The following HPS1 variants were observed in gnomAD, a reference collection of about 807,000 sequenced individuals.
HPS1 encodes the protein HPS1 biogenesis of lysosomal organelles complex 3 subunit 1.
A neutral mutation model predicts 90.6 loss-of-function variants in HPS1; 59 were observed. That is an observed-to-expected ratio of 0.65 (90% CI 0.53 to 0.81). The LOEUF (loss-of-function observed/expected upper bound fraction) is 0.81. HPS1 is among the 30% of genes least tolerant of loss of function. The pLI is 0.00. For synonymous variants in HPS1, 388 were observed against 384.4 expected, an observed-to-expected ratio of 1.01 and a Z score of -0.11; for missense variants, 849 against 896.7, an observed-to-expected ratio of 0.95 and a Z score of 0.68.
chr10:98,431,344 C>T (rs1209270833), intron 6 of HPS1, 53 bp from the exon 7 acceptor site: 1 of 1,584,454 alleles, frequency 6.3e-7, no homozygotes, highest in East Asian at 2.3e-5. Context: ...CCTTGCCCCA[C>T]TCCAAGCCCT....
At chr10:98,434,850 A>G (rs1230325573) in intron 5 of HPS1, among the ~76,000 whole-genome samples, 1 of 151,852 alleles carries the variant, frequency 6.6e-6, no homozygotes, top group Non-Finnish European at 1.5e-5. Context: ...TCCTGAGAAA[A>G]CCTTCACGAG....
At chr10:98,415,293 C>A, downstream of HPS1, 1 of 1,011,436 alleles carries the variant, frequency 9.9e-7, no homozygotes, top group Non-Finnish European at 1.4e-6. Context: ...CACAGGCCAG[C>A]CTCCTGCTGC....
intron 7 of HPS1, 61 bp from the exon 8 acceptor site, chr10:98,430,731 G>T: frequency 7.2e-7 from 1 of 1,388,744 alleles, no homozygotes; most frequent in Non-Finnish European, 9.9e-7. Flanking sequence ...GGGGCAGGCA[G>T]GTTAAAGGAG....
intron 1 of HPS1, among the ~76,000 whole-genome samples, chr10:98,446,029 C>T (rs1191859784): frequency 6.6e-6 from 1 of 152,180 alleles, no homozygotes; most frequent in Admixed American, 6.5e-5. Context: ...ATTCCTATTT[C>T]CCAGCTTCCC....
rs1239455408 is a variant in HPS1, at chr10:98,435,111, C to A, written c.398+161G>T. 2.6e-6 allele frequency: 2 copies of A among 767,532 alleles called. No homozygotes were observed. The highest frequency in any genetic ancestry group is 1.6e-5 in the South Asian group (1 of 62,014). 47.5% of individuals were successfully genotyped at this position (767,532 alleles called of 1,614,324 possible). A position where few individuals can be genotyped will look rare whatever the true frequency, so the allele number is the denominator to read the frequency against. On this transcript the variant is annotated intron_variant, in intron 5 of 19. Coordinates refer to ENST00000361490, the MANE Select transcript of HPS1 (RefSeq NM_000195.5). The surrounding 1 kb of genome is among the most constrained non-coding windows in gnomAD (Gnocchi z 4.3). Reference sequence around the variant, plus strand: ...CCAGATATAAAGTCAGAGGGTCAGACCAGATGGTCTCCAAGGTTCACTTGA... The same window carrying A: ...CCAGATATAAAGTCAGAGGGTCAGAACAGATGGTCTCCAAGGTTCACTTGA...
intron 13 of HPS1, 51 bp from the exon 14 acceptor site, chr10:98,424,425 G>A (rs763148452): frequency 1.3e-6 from 2 of 1,508,446 alleles, no homozygotes; most frequent in African/African-American, 2.7e-5. Context: ...TTTCCAGTGA[G>A]GTCCAGGCCA....
chr10:98,435,097 G>A lies in HPS1; in HGVS notation c.398+175C>T. On this transcript the variant is annotated intron_variant, in intron 5 of 19. Transcript: ENST00000361490. This position sits in a 1 kb window ranked among gnomAD's most constrained non-coding sequence, Gnocchi z 4.3. ...TCTGCTCTGTTTCACCAGATATAAA[G>A]TCAGAGGGTCAGACCAGATGGTCTC... 4.3e-6 allele frequency: 3 copies of A among 691,520 alleles called. No individual in the cohort carries two copies. Among genetic ancestry groups the A allele is most frequent in the Middle Eastern group, 4.0e-4 (1 of 2,478 alleles). 42.8% of individuals were successfully genotyped at this position (691,520 alleles called of 1,614,324 possible).
intron 13 of HPS1, among the ~76,000 whole-genome samples, 200 bp downstream of exon 13, chr10:98,425,341 A>T (rs1043679790): frequency 1.3e-5 from 2 of 152,246 alleles, no homozygotes; most frequent in Non-Finnish European, 2.9e-5. Flanking sequence ...AAACACACAT[A>T]AAAAGATTCT....
At position 98,435,692 on chromosome 10, in the gene HPS1, C is replaced by G. The variant is rs115265574; in HGVS notation, c.198G>C (p.Ser66=). 1 of 1,613,826 alleles carries G rather than the reference C, an allele frequency of 6.2e-7. No homozygotes were observed. The highest frequency in any genetic ancestry group is 8.5e-7 in the Non-Finnish European group (1 of 1,179,916). ...CCGTGGAGAAGCAGGTGTAGGTGTC[C>G]GAGAGCTTCTCCAGCATCGTCATGG... ...ISSMTMLEKL[S]DTYTCFSTEN... The change falls in exon 4 of 20, where the codon TCG becomes TCC. Residue 66 remains serine, a synonymous_variant. Coordinates refer to ENST00000361490, the MANE Select transcript of HPS1 (RefSeq NM_000195.5). The surrounding 1 kb of genome is among the most constrained non-coding windows in gnomAD (Gnocchi z 4.3).
intron 10 of HPS1, among the ~76,000 whole-genome samples, chr10:98,427,678 C>G (rs1470204454): frequency 6.6e-6 from 1 of 152,114 alleles, no homozygotes; most frequent in Non-Finnish European, 1.5e-5. Flanking sequence ...CCACGTTTGC[C>G]CATTCATTTA....
At position 98,425,638 on chromosome 10, in the gene HPS1, G is replaced by A. The variant is rs763592883; in HGVS notation, c.1238C>T (p.Pro413Leu). 61 of 1,613,602 alleles carry A rather than the reference G, an allele frequency of 3.8e-5. No individual in the cohort carries two copies. Among genetic ancestry groups the A allele is most frequent in the Non-Finnish European group, 4.2e-5 (49 of 1,179,940 alleles). Residue 413 changes from proline (P) to leucine (L), a missense_variant, in exon 13 of 20, where the codon CCG becomes CTG. Transcript: ENST00000361490. The part of the protein sequence containing the change: ...SMLEKKLKEG[P>L]EPGASLRSQP... ...GGAGCGCAGGGAGGCCCCGGGCTCC[G>A]GCCCTTCCTTCAGCTTCTTCTCCAG...
At position 98,435,819 on chromosome 10, in the gene HPS1, C is replaced by A. The variant is rs1260464285; in HGVS notation, c.118-47G>T. 6 of 1,613,150 alleles carry A rather than the reference C, an allele frequency of 3.7e-6. No individual in the cohort carries two copies. Among genetic ancestry groups the A allele is most frequent in the Non-Finnish European group, 5.1e-6 (6 of 1,179,444 alleles). On this transcript the variant is annotated intron_variant, in intron 3 of 19. Transcript: ENST00000361490. This position sits in a 1 kb window ranked among gnomAD's most constrained non-coding sequence, Gnocchi z 4.3. The stretch of plus-strand genomic sequence containing the variant: ...TCACAGCTTAGAGTGGGCCAGACAC[C>A]AAGAACTAAGGAAGGGACAAGATCA...
intron 18 of HPS1, among the ~76,000 whole-genome samples, chr10:98,418,673 C>A (rs1445576503): frequency 6.6e-6 from 1 of 152,226 alleles, no homozygotes; most frequent in African/African-American, 2.4e-5. Flanking sequence ...GCCGTGTGTG[C>A]CAGGCATGAA....
chr10:98,424,007 G>T, intron 14 of HPS1, 120 bp from the exon 15 acceptor site: 1 of 1,363,290 alleles, frequency 7.3e-7, no homozygotes, highest in Non-Finnish European at 1.0e-6. Context: ...TCCCCCTTGT[G>T]GACCACCCCA....
chr10:98,423,963 C>G, intron 14 of HPS1, 76 bp from the exon 15 acceptor site: 1 of 1,577,488 alleles, frequency 6.3e-7, no homozygotes, highest in Non-Finnish European at 8.6e-7. Context: ...CCACCTTGTT[C>G]CTGCACCCAG....
intron 2 of HPS1, among the ~76,000 whole-genome samples, chr10:98,444,284 C>A (rs1293557426): frequency 6.6e-6 from 1 of 151,762 alleles, no homozygotes; most frequent in Non-Finnish European, 1.5e-5. Flanking sequence ...ACACACACCA[C>A]ACACTCTGTG....
Position 98,430,651 on chromosome 10 carries a change from G to C in HPS1, c.688C>G (p.Arg230Gly), listed in dbSNP as rs750207387. ...ATGAGGGCAAGCAGGTCGGCCGGGCGCAGGGAGCTGGCACTGTGGCTGCAG... is the reference window on the plus strand; with the variant it reads ...ATGAGGGCAAGCAGGTCGGCCGGGCCCAGGGAGCTGGCACTGTGGCTGCAG... Reference protein sequence around the residue: ...FYSSHSASSLRPADLLALILL... With the variant: ...FYSSHSASSLGPADLLALILL... The change falls in exon 8 of 20, where the codon CGC becomes GGC. Residue 230 changes from arginine to glycine, a missense_variant. Arg to Gly is a moderately radical substitution (Grantham distance 125). Coordinates refer to ENST00000361490, the MANE Select transcript of HPS1 (RefSeq NM_000195.5). 4.5e-6 allele frequency: 7 copies of C among 1,553,648 alleles called. No homozygotes were observed. Among genetic ancestry groups the C allele is most frequent in the Non-Finnish European group, 6.1e-6 (7 of 1,148,180 alleles).
chr10:98,416,444 T>G lies in HPS1; in HGVS notation c.*1120A>C, dbSNP rs1844127093. 6.6e-6 allele frequency: 1 copy of G among 152,324 alleles called. No homozygotes were observed. Among genetic ancestry groups the G allele is most frequent in the Non-Finnish European group, 1.5e-5 (1 of 68,046 alleles). 9.4% of individuals were successfully genotyped at this position (152,324 alleles called of 1,614,324 possible). ...AGATGATGTTAAGGAGGAACACAGA[T>G]CCAGTCACCTGAGGGGATACTTCCT... On this transcript the variant is annotated 3_prime_UTR_variant, in exon 20 of 20. Coordinates refer to ENST00000361490, the MANE Select transcript of HPS1 (RefSeq NM_000195.5).
chr10:98,443,419 C>T (rs1318242229), intron 2 of HPS1, among the ~76,000 whole-genome samples, 179 bp from the exon 3 acceptor site: 2 of 152,224 alleles, frequency 1.3e-5, no homozygotes, highest in East Asian at 1.9e-4. Context: ...TAGAACTCTT[C>T]AGGTACCCCC....
Sources: gnomAD v4.1 joint callset for allele counts (sites outside exome capture counted in the v4.1 genomes callset) on GRCh38, gnomAD v4.1.1 for gene constraint, Gnocchi (gnomAD v3.1) non-coding constraint, MANE v1.5 for transcripts, NCBI Gene and HGNC (gene_info 2026-07-23, HGNC 2026-07-21) for gene names.